Variants in FBXL22 observed in about 807,000 individuals in gnomAD.
FBXL22 encodes the protein F-box and leucine-rich protein 22.
In FBXL22, 13 loss-of-function variants were observed where a neutral mutation model predicts 11.7. The ratio of observed to expected loss-of-function variants is 1.11; its 90% CI spans 0.73 to 1.77. The LOEUF (loss-of-function observed/expected upper bound fraction) is 1.77, where lower values mean the gene tolerates loss of function less well. FBXL22 is among the 40% of genes most tolerant of loss of function. The pLI, the probability that FBXL22 is intolerant of heterozygous loss-of-function variation, is 0.00. For missense variants in FBXL22, 406 were observed against 320.4 expected (o/e 1.27, Z -2.04); for synonymous variants, 160 against 144.1 (o/e 1.11, Z -0.79).
chr15:63,599,070 A>T, intron 1 of FBXL22: 1 of 872,532 alleles, frequency 1.1e-6, no homozygotes, highest in Non-Finnish European at 1.8e-6. Context: ...TCGTCCAACC[A>T]TGTGACCCCA....
At chr15:63,603,081 T>C (rs777838898), downstream of FBXL22, among the ~76,000 whole-genome samples, 1 of 152,198 alleles carries the variant, frequency 6.6e-6, no homozygotes, top group Non-Finnish European at 1.5e-5. Flanking sequence ...TACTATTTAA[T>C]TGTGTGATGT....
chr15:63,600,734 G>C lies in FBXL22; in HGVS notation c.391G>C (p.Gly131Arg). The C allele has an allele frequency of 8.1e-7, 1 of 1,231,486 alleles. No homozygotes were observed. Among genetic ancestry groups the C allele is most frequent in the Non-Finnish European group, 1.0e-6 (1 of 987,792 alleles). The allele number at this position is 1,231,486 out of a possible 1,614,324, so 76.3% of individuals were successfully genotyped here. The change falls in exon 2 of 2, where the codon GGC becomes CGC. Residue 131 changes from glycine (G) to arginine (R), a missense_variant. Physicochemically the swap from Gly to Arg is moderately radical, Grantham distance 125. Coordinates refer to ENST00000638704, the MANE Select transcript of FBXL22 (RefSeq NM_001367807.1). ...GGCGTCCGTCACGCTCTCGGGCTGC[G>C]GCCACGTTACCGACGACTGCCTGGC... ...NLASVTLSGC[G>R]HVTDDCLARL... is the part of the protein sequence containing the mutation.
At chr15:63,605,413 A>G (rs2067408403), downstream of FBXL22, among the ~76,000 whole-genome samples, 1 of 152,194 alleles carries the variant, frequency 6.6e-6, no homozygotes, top group Non-Finnish European at 1.5e-5. Context: ...GGGGCTAGAA[A>G]AGCTGAGTGC....
Position 63,597,536 on chromosome 15 carries a change from C to G in FBXL22, c.144C>G (p.Leu48=), listed in dbSNP as rs766392652. Residue 48 remains leucine (L), a synonymous_variant, in exon 1 of 2, where the codon CTC becomes CTG. Transcript: ENST00000638704. This position sits in a 1 kb window ranked among gnomAD's most constrained non-coding sequence, Gnocchi z 4.3. ...QLHDVFEDPA[L]WSLLHFRSLT... ...ACGACGTGTTTGAGGACCCCGCACT[C>G]TGGTCCCTGCTGCACTTCCGTTCCC... 11 of 1,614,082 alleles carry G rather than the reference C, an allele frequency of 6.8e-6. No homozygotes were observed. In the South Asian group the frequency reaches 1.2e-4, roughly 18 times the overall value.
chr15:63,601,371 G>A (rs2067368678), downstream of FBXL22: 1 of 1,604,780 alleles, frequency 6.2e-7, no homozygotes, highest in Admixed American at 1.7e-5. Context: ...CCGTTGGACC[G>A]AAATCACCTC....
At chr15:63,602,585 CAAAAAAAAAAAA>C (rs35457809), downstream of FBXL22, among the ~76,000 whole-genome samples, 3 of 74,596 alleles carry the variant, frequency 4.0e-5, no homozygotes, top group Admixed American at 1.7e-4. Flanking sequence ...ACTCTTGTCT[CAAAAAAAAAAAA>C]AAAAAAAAAA....
At chr15:63,606,672 A>G (rs1296933396), downstream of FBXL22, among the ~76,000 whole-genome samples, 1 of 152,204 alleles carries the variant, frequency 6.6e-6, no homozygotes, top group East Asian at 1.9e-4. Context: ...TGGGCAACAT[A>G]GTGAGACCCT....
rs576214671 is a variant in FBXL22, at chr15:63,600,749, G to C, written c.406G>C (p.Asp136His). 4 of 1,231,310 alleles carry C rather than the reference G, an allele frequency of 3.2e-6. No homozygotes were observed. The highest frequency in any genetic ancestry group is 4.0e-6 in the Non-Finnish European group (4 of 987,762). 76.3% of individuals were successfully genotyped at this position (1,231,310 alleles called of 1,614,324 possible). A position where few individuals can be genotyped will look rare whatever the true frequency, so the allele number is the denominator to read the frequency against. ...CTCGGGCTGCGGCCACGTTACCGACGACTGCCTGGCGCGCCTGCTGCGCTG... is the reference window on the plus strand; with the variant it reads ...CTCGGGCTGCGGCCACGTTACCGACCACTGCCTGGCGCGCCTGCTGCGCTG... ...TLSGCGHVTD[D>H]CLARLLRCCP... Residue 136 changes from aspartate (D) to histidine (H), a missense_variant, in exon 2 of 2, where the codon GAC (aspartate) becomes CAC (histidine). Transcript: ENST00000638704.
intron 1 of FBXL22, chr15:63,600,214 C>T (rs531226591): frequency 3.5e-5 from 35 of 987,288 alleles, no homozygotes; most frequent in African/African-American, 1.9e-4. Flanking sequence ...TTGGGATGGG[C>T]CTGTCACTAG....
At position 63,600,913 on chromosome 15, in the gene FBXL22, G is replaced by T. The variant is rs1429065255; in HGVS notation, c.570G>T (p.Leu190=). 5 of 1,215,664 alleles carry T rather than the reference G, an allele frequency of 4.1e-6. No individual in the cohort carries two copies. The highest frequency in any genetic ancestry group is 3.1e-6 in the Non-Finnish European group (3 of 977,664). The allele number at this position is 1,215,664 out of a possible 1,614,324, so 75.3% of individuals were successfully genotyped here. A position where few individuals can be genotyped will look rare whatever the true frequency, so the allele number is the denominator to read the frequency against. The part of the protein sequence containing the change: ...DFCRNVSAAG[L]RRLRAACPRL... ...GCCGCAACGTGAGCGCGGCCGGCCT[G>T]CGCCGCCTGCGCGCCGCGTGCCCGC... is the stretch of plus-strand genomic sequence containing the variant. Residue 190 remains leucine, a synonymous_variant, in exon 2 of 2, where the codon CTG becomes CTT. Coordinates refer to ENST00000638704, the MANE Select transcript of FBXL22 (RefSeq NM_001367807.1).
chr15:63,606,741 G>A (rs149193919), downstream of FBXL22, among the ~76,000 whole-genome samples: 2 of 152,192 alleles, frequency 1.3e-5, no homozygotes, highest in African/African-American at 2.4e-5. Flanking sequence ...TTCTGGCAAC[G>A]AAACAGTGTG....
intron 1 of FBXL22, 62 bp from the exon 2 acceptor site, chr15:63,600,635 A>C: frequency 8.1e-7 from 1 of 1,230,942 alleles, no homozygotes; most frequent in Non-Finnish European, 1.0e-6. Flanking sequence ...ACTCGGTCCC[A>C]TGGGGCGGTT....
chr15:63,600,716 G>A lies in FBXL22; in HGVS notation c.373G>A (p.Val125Ile), dbSNP rs1417180657. The stretch of plus-strand genomic sequence containing the variant: ...TCACAGGTGCCCCAACCTGGCGTCC[G>A]TCACGCTCTCGGGCTGCGGCCACGT... ...VCDRCPNLAS[V>I]TLSGCGHVTD... The change falls in exon 2 of 2, where the codon GTC (valine) becomes ATC (isoleucine). Residue 125 changes from valine to isoleucine, a missense_variant. Physicochemically the swap from Val to Ile is conservative, Grantham distance 29. Coordinates refer to ENST00000638704, the MANE Select transcript of FBXL22 (RefSeq NM_001367807.1). The A allele has an allele frequency of 8.1e-6, 10 of 1,231,482 alleles. No homozygotes were observed. The East Asian group carries it at 2.2e-4, about 27-fold the overall frequency. The allele number at this position is 1,231,482 out of a possible 1,614,324, so 76.3% of individuals were successfully genotyped here.
At chr15:63,600,261 C>G (rs764328150) in intron 1 of FBXL22, 4 of 994,034 alleles carry the variant, frequency 4.0e-6, no homozygotes, top group Non-Finnish European at 4.8e-6. Context: ...TTCCCACTCA[C>G]GTCCCGCCGG....
At chr15:63,601,279 T>C, downstream of FBXL22, 2 of 1,560,796 alleles carry the variant, frequency 1.3e-6, no homozygotes, top group Non-Finnish European at 8.6e-7. Flanking sequence ...GCCTTTCCCC[T>C]CTTGCTTCCG....
rs1595792400 is a variant in FBXL22, at chr15:63,597,602, A to C, written c.210A>C (p.Ala70=). The change falls in exon 1 of 2, where the codon GCA becomes GCC. Residue 70 remains alanine (A), a synonymous_variant. Transcript: ENST00000638704. This position sits in a 1 kb window ranked among gnomAD's most constrained non-coding sequence, Gnocchi z 4.3. ...LQKDNFLLGP[A]LRSLSICWHS... ...AGGACAACTTCCTCCTGGGCCCGGCACTCCGCAGCCTCTCCATCTGCTGGC... is the reference window on the plus strand; with the variant it reads ...AGGACAACTTCCTCCTGGGCCCGGCCCTCCGCAGCCTCTCCATCTGCTGGC... 1 of 1,613,624 alleles carries C rather than the reference A, an allele frequency of 6.2e-7. No individual in the cohort carries two copies. Among genetic ancestry groups the C allele is most frequent in the South Asian group, 1.1e-5 (1 of 91,050 alleles).
chr15:63,599,871 T>C (rs1369679726), intron 1 of FBXL22: 2 of 985,542 alleles, frequency 2.0e-6, no homozygotes, highest in East Asian at 1.1e-4. Context: ...CGTTGCAGGC[T>C]CCTCACAACC....
At chr15:63,606,719 G>A (rs2067415483), downstream of FBXL22, among the ~76,000 whole-genome samples, 1 of 88,916 alleles carries the variant, frequency 1.1e-5, no homozygotes, top group Admixed American at 1.0e-4. Flanking sequence ...AAGACAATGA[G>A]GAAATAACAG....
the FBXL22 span, among the ~76,000 whole-genome samples, chr15:63,608,024 T>C: frequency 6.6e-6 from 1 of 152,258 alleles, no homozygotes; most frequent in South Asian, 2.1e-4. Flanking sequence ...CATTCAAGGA[T>C]ATGAAAGCCA....
Sources: allele counts gnomAD v4.1 joint callset (sites outside exome capture counted in the v4.1 genomes callset), GRCh38; gene constraint gnomAD v4.1.1; non-coding constraint Gnocchi (gnomAD v3.1); transcripts MANE v1.5; gene names NCBI Gene and HGNC (gene_info 2026-07-23, HGNC 2026-07-21).